The following CACNA2D1 variants were observed in gnomAD, a reference collection of about 807,000 sequenced individuals.
CACNA2D1 encodes calcium voltage-gated channel auxiliary subunit alpha2delta 1, also known as voltage-dependent calcium channel subunit alpha-2/delta-1.
In CACNA2D1, 53 loss-of-function variants were observed where a neutral mutation model predicts 171.5. The observed-to-expected ratio is 0.31, with a 90% CI of 0.25 to 0.39. CACNA2D1 has a LOEUF of 0.39. Ranked by LOEUF, CACNA2D1 falls within the 10% of genes least tolerant of loss-of-function variation. The pLI is 1.00. For missense variants in CACNA2D1, 903 were observed against 1,299.8 expected, an observed-to-expected ratio of 0.69 and a Z score of 4.69; for synonymous variants, 442 against 443.1, an observed-to-expected ratio of 1.00 and a Z score of 0.03.
intron 1 of CACNA2D1, among the ~76,000 whole-genome samples, chr7:82,426,008 T>A (rs2129458102): frequency 6.6e-6 from 1 of 151,424 alleles, no homozygotes; most frequent in Admixed American, 6.6e-5. Context: ...CACATGCCTG[T>A]AATCCCAGCT....
At chr7:82,355,814 A>C (rs1820358331) in intron 1 of CACNA2D1, among the ~76,000 whole-genome samples, 1 of 146,064 alleles carries the variant, frequency 6.8e-6, no homozygotes, top group Non-Finnish European at 1.5e-5. Flanking sequence ...CCTTCTCCAT[A>C]TATAATCTCC....
At chr7:82,392,748 C>T (rs1467398490) in intron 1 of CACNA2D1, among the ~76,000 whole-genome samples, 1 of 152,242 alleles carries the variant, frequency 6.6e-6, no homozygotes, top group South Asian at 2.1e-4. Flanking sequence ...AGTATATGAA[C>T]ACTAGGTACC....
intron 15 of CACNA2D1, among the ~76,000 whole-genome samples, 163 bp from the exon 16 acceptor site, chr7:82,007,919 A>T (rs1799300650): frequency 6.6e-6 from 1 of 152,174 alleles, no homozygotes; most frequent in Admixed American, 6.6e-5. Context: ...TATTTTTAAA[A>T]TATCAAGGAA....
At chr7:81,970,078 A>C (rs1795109300) in intron 27 of CACNA2D1, 94 bp from the exon 28 acceptor site, 1 of 774,588 alleles carries the variant, frequency 1.3e-6, no homozygotes, top group Non-Finnish European at 2.3e-6. Flanking sequence ...AGATACGCCT[A>C]CATCTCAGGT....
intron 1 of CACNA2D1, among the ~76,000 whole-genome samples, chr7:82,408,034 T>C (rs1375985711): frequency 6.6e-6 from 1 of 151,552 alleles, no homozygotes; most frequent in Non-Finnish European, 1.5e-5. Flanking sequence ...TTTTTTTTTT[T>C]TTTTGAGACT....
At chr7:82,382,936 C>G (rs1243288272) in intron 1 of CACNA2D1, among the ~76,000 whole-genome samples, 1 of 152,124 alleles carries the variant, frequency 6.6e-6, no homozygotes, top group Non-Finnish European at 1.5e-5. Context: ...TTACAGAACA[C>G]TTACTAAGTT....
At chr7:82,160,805 T>C (rs1456935204) in intron 4 of CACNA2D1, among the ~76,000 whole-genome samples, 1 of 151,970 alleles carries the variant, frequency 6.6e-6, no homozygotes, top group Non-Finnish European at 1.5e-5. Context: ...GTTTCTTAAT[T>C]CCAAGAAAAA....
intron 3 of CACNA2D1, among the ~76,000 whole-genome samples, chr7:82,193,071 A>G (rs960231149): frequency 1.3e-5 from 2 of 151,882 alleles, no homozygotes; most frequent in African/African-American, 4.8e-5. Context: ...TACATTGGTA[A>G]GTGATGTGCT....
In CACNA2D1 at chr7:82,443,125, G is replaced by C. The variant is rs28589575; in HGVS notation, c.95+240C>G. ...CGCGAGTCGTCGGCGGGCGCTTCCC[G>C]GGACAGTCGGCCCCCAGTGCCCGGC... On this transcript the variant is annotated intron_variant, in intron 1 of 38. Coordinates refer to ENST00000356860, the MANE Select transcript of CACNA2D1 (RefSeq NM_000722.4). Among the ~76,000 whole-genome samples, 8,608 of 152,124 alleles carry C rather than the reference G, an allele frequency of 0.057. 794 individuals carry two copies. The highest frequency in any genetic ancestry group is 0.19 in the African/African-American group (8,050 of 41,494).
chr7:82,428,107 TA>T (rs1300534454), intron 1 of CACNA2D1, among the ~76,000 whole-genome samples: 20 of 136,616 alleles, frequency 1.5e-4, no homozygotes, highest in East Asian at 2.0e-4. Context: ...AAAAAATAAA[TA>T]AAAAAAAAAC....
At chr7:82,311,910 A>T (rs979892636) in intron 3 of CACNA2D1, among the ~76,000 whole-genome samples, 2 of 152,160 alleles carry the variant, frequency 1.3e-5, no homozygotes, top group East Asian at 3.9e-4. Context: ...TGTTGTGATA[A>T]GTAAATTATG....
At chr7:82,240,593 T>G (rs1200201780) in intron 3 of CACNA2D1, among the ~76,000 whole-genome samples, 1 of 152,220 alleles carries the variant, frequency 6.6e-6, no homozygotes. Context: ...TCTTTTATAT[T>G]GCTTTATGTA....
At chr7:82,166,003 T>G (rs974656534) in intron 4 of CACNA2D1, among the ~76,000 whole-genome samples, 4 of 152,012 alleles carry the variant, frequency 2.6e-5, no homozygotes, top group Non-Finnish European at 5.9e-5. Context: ...CTGTCTTCGA[T>G]TCTAAGTAAA....
chr7:82,269,152 G>C (rs1488140634), intron 3 of CACNA2D1, among the ~76,000 whole-genome samples: 1 of 152,040 alleles, frequency 6.6e-6, no homozygotes, highest in Admixed American at 6.6e-5. Context: ...TTGCAGAACT[G>C]TTTCCCTTTA....
intron 1 of CACNA2D1, among the ~76,000 whole-genome samples, chr7:82,414,785 G>T (rs1344923954): frequency 6.6e-6 from 1 of 152,174 alleles, no homozygotes; most frequent in Non-Finnish European, 1.5e-5. Context: ...CCTGGACTTT[G>T]ATTCTACATG....
intron 1 of CACNA2D1, among the ~76,000 whole-genome samples, chr7:82,351,829 A>G (rs1334438174): frequency 1.3e-5 from 2 of 152,180 alleles, no homozygotes; most frequent in African/African-American, 4.8e-5. Flanking sequence ...AATTTAGATG[A>G]GACTATCTCA....
intron 5 of CACNA2D1, among the ~76,000 whole-genome samples, chr7:82,124,271 T>G (rs1041668931): frequency 2.6e-5 from 4 of 152,124 alleles, no homozygotes; most frequent in Non-Finnish European, 5.9e-5. Flanking sequence ...AACTCAACTT[T>G]CCACACCCAA....
chr7:81,973,842 G>A (rs1355189428), intron 25 of CACNA2D1, among the ~76,000 whole-genome samples: 1 of 151,896 alleles, frequency 6.6e-6, no homozygotes, highest in Non-Finnish European at 1.5e-5. Flanking sequence ...CTTAGAGTAT[G>A]AATGATGCAA....
At chr7:82,095,032 TTCCA>T (rs1445900374) in intron 6 of CACNA2D1, among the ~76,000 whole-genome samples, 3 of 152,166 alleles carry the variant, frequency 2.0e-5, no homozygotes, top group African/African-American at 7.2e-5. Context: ...TATGACTGGC[TTCCA>T]TCCATCCTTC....
Sources: allele counts gnomAD v4.1 joint callset (sites outside exome capture counted in the v4.1 genomes callset), GRCh38; gene constraint gnomAD v4.1.1; transcripts MANE v1.5; gene names NCBI Gene and HGNC (gene_info 2026-07-23, HGNC 2026-07-21).